The following DLG2 variants were observed in gnomAD, a reference collection of about 807,000 sequenced individuals.
The protein encoded by DLG2 is discs large MAGUK scaffold protein 2, also known as disks large homolog 2.
Under a neutral mutation model 132.5 loss-of-function variants are expected in DLG2, and 45 were observed. That is an observed-to-expected ratio of 0.34 (90% CI 0.27 to 0.44). The LOEUF is 0.44. DLG2 is among the 20% of genes least tolerant of loss of function. DLG2 has a pLI of 1.00. For missense variants in DLG2, 1,045 were observed against 1,196.9 expected (o/e 0.87, Z 1.87); for synonymous variants, 424 against 419.6 (o/e 1.01, Z -0.13).
intron 7 of DLG2, among the ~76,000 whole-genome samples, chr11:84,251,727 C>G (rs540152052): frequency 1.3e-5 from 2 of 150,688 alleles, no homozygotes; most frequent in African/African-American, 2.4e-5. Flanking sequence ...ACTCAGCCTC[C>G]GCCTCCTGGT....
rs892846208 is a variant in DLG2 at position 84,125,656 on chromosome 11, A to G, written c.625-26609T>C. Among the ~76,000 whole-genome samples the G allele has an allele frequency of 2.0e-5, 3 of 152,336 alleles. No homozygotes were observed. In the East Asian group the frequency reaches 5.8e-4, roughly 29 times the overall value. On this transcript the variant is annotated intron_variant, in intron 9 of 27. Transcript: ENST00000376104. ...GCTGTCAATAAGAAACCCAGTGGTC[A>G]GGAAAGACAAAGAAATAGCCATGCA...
At chr11:85,433,202 A>G (rs1311529735) in intron 3 of DLG2, among the ~76,000 whole-genome samples, 1 of 152,188 alleles carries the variant, frequency 6.6e-6, no homozygotes, top group Non-Finnish European at 1.5e-5. Context: ...AATACCAGCC[A>G]CTGCAAAACA....
At chr11:85,061,733 G>A (rs1010409672) in intron 6 of DLG2, among the ~76,000 whole-genome samples, 9 of 151,824 alleles carry the variant, frequency 5.9e-5, no homozygotes, top group Non-Finnish European at 1.2e-4. Flanking sequence ...CCATATATGT[G>A]TACTGTATTT....
chr11:83,721,029 G>C (rs1305335929), intron 18 of DLG2: 1 of 152,108 alleles, frequency 6.6e-6, no homozygotes, highest in Non-Finnish European at 1.5e-5. Flanking sequence ...TGATGAGAAA[G>C]AATCTGGGCC....
chr11:84,397,915 A>T (rs1390686775), intron 7 of DLG2, among the ~76,000 whole-genome samples: 1 of 152,202 alleles, frequency 6.6e-6, no homozygotes, highest in Non-Finnish European at 1.5e-5. Flanking sequence ...AGTCTGTGGA[A>T]ATTAACAATA....
intron 7 of DLG2, among the ~76,000 whole-genome samples, chr11:84,297,037 G>T (rs1802371409): frequency 6.6e-6 from 1 of 150,950 alleles, no homozygotes; most frequent in South Asian, 2.1e-4. Context: ...GCTTTATTAA[G>T]ATACTCTCCC....
At chr11:84,865,493 A>G (rs1342028632) in intron 6 of DLG2, among the ~76,000 whole-genome samples, 2 of 152,338 alleles carry the variant, frequency 1.3e-5, no homozygotes, top group South Asian at 2.1e-4. Flanking sequence ...GAATGGCCCT[A>G]TGCTTTGGGT....
intron 19 of DLG2, among the ~76,000 whole-genome samples, chr11:83,563,765 TGA>T (rs1422503754): frequency 4.6e-5 from 7 of 152,216 alleles, no homozygotes. Flanking sequence ...TAATTAAAAA[TGA>T]GAGCTTATCT....
intron 3 of DLG2, among the ~76,000 whole-genome samples, chr11:85,567,864 T>C (rs949221283): frequency 3.3e-5 from 5 of 152,168 alleles, no homozygotes; most frequent in African/African-American, 1.2e-4. Context: ...ATGCTTTTTC[T>C]GTATCCATTG....
chr11:84,202,007 C>T (rs569997714), intron 8 of DLG2, among the ~76,000 whole-genome samples: 1 of 151,568 alleles, frequency 6.6e-6, no homozygotes, highest in Non-Finnish European at 1.5e-5. Flanking sequence ...TTAGTAGAGA[C>T]TAGGTTTCAC....
At chr11:84,714,599 T>TGTC (rs1565749771) in intron 6 of DLG2, among the ~76,000 whole-genome samples, 4 of 83,554 alleles carry the variant, frequency 4.8e-5, no homozygotes, top group African/African-American at 2.5e-4. Context: ...TTCTCTTTCT[T>TGTC]TCTCTTTCTC....
intron 17 of DLG2, among the ~76,000 whole-genome samples, chr11:83,797,725 A>T (rs538652864): frequency 1.4e-3 from 208 of 152,070 alleles, no homozygotes; most frequent in African/African-American, 4.1e-3. Context: ...TCACTGTATT[A>T]GCCAGGATGG....
intron 10 of DLG2, among the ~76,000 whole-genome samples, chr11:84,061,068 G>A (rs1201480820): frequency 1.3e-5 from 2 of 152,176 alleles, no homozygotes; most frequent in Non-Finnish European, 2.9e-5. Flanking sequence ...CTTCCAAACA[G>A]TGTCCCGTTT....
At chr11:84,945,578 C>A (rs1419928338) in intron 6 of DLG2, among the ~76,000 whole-genome samples, 1 of 152,190 alleles carries the variant, frequency 6.6e-6, no homozygotes, top group Non-Finnish European at 1.5e-5. Context: ...CACCGATGTT[C>A]CCTCAAGGCT....
chr11:84,185,921 G>T (rs534189947), intron 8 of DLG2, among the ~76,000 whole-genome samples: 1 of 152,142 alleles, frequency 6.6e-6, no homozygotes, highest in South Asian at 2.1e-4. Flanking sequence ...AATTTTAAAG[G>T]ATTGTTTTTC....
At chr11:84,731,558 A>G (rs375518811) in intron 6 of DLG2, among the ~76,000 whole-genome samples, 37 of 151,950 alleles carry the variant, frequency 2.4e-4, no homozygotes, top group East Asian at 2.1e-3. Flanking sequence ...TCTCAAATAG[A>G]GGGAATAGGA....
At chr11:84,686,630 G>GTTTTGTTT (rs2099738391) in intron 6 of DLG2, among the ~76,000 whole-genome samples, 1 of 113,804 alleles carries the variant, frequency 8.8e-6, no homozygotes, top group African/African-American at 3.4e-5. Flanking sequence ...TGGCCTTGAG[G>GTTTTGTTT]TTTTTTTTTT....
intron 2 of DLG2, among the ~76,000 whole-genome samples, chr11:85,602,945 A>G (rs978322756): frequency 1.4e-4 from 21 of 152,200 alleles, no homozygotes; most frequent in African/African-American, 5.1e-4. Context: ...ATACTCCTAT[A>G]TAACATAGCA....
At chr11:83,725,092 A>C (rs146478303) in intron 18 of DLG2, 10,063 of 555,004 alleles carry the variant, frequency 0.018, 136 homozygotes, top group Middle Eastern at 0.042. Context: ...CAAACAAGCC[A>C]ATTTGAAAGA....
Sources: allele counts gnomAD v4.1 joint callset (sites outside exome capture counted in the v4.1 genomes callset), GRCh38; gene constraint gnomAD v4.1.1; transcripts MANE v1.5; gene names NCBI Gene and HGNC (gene_info 2026-07-23, HGNC 2026-07-21).